The following MAMLD1 variants were observed in gnomAD, a reference collection of about 807,000 sequenced individuals.
The protein encoded by MAMLD1 is mastermind like domain containing 1.
MAMLD1 carries 14 observed loss-of-function variants against 45.0 expected under a neutral mutation model. That is an observed-to-expected ratio of 0.31 (90% CI 0.21 to 0.49). MAMLD1 has a LOEUF of 0.49. MAMLD1 is among the 20% of genes least tolerant of loss of function. The probability of loss-of-function intolerance (pLI) is 0.99; values close to 1 mark genes in which losing one functional copy is unlikely to be tolerated. For missense variants in MAMLD1, 543 were observed against 603.6 expected, an observed-to-expected ratio of 0.90 and a Z score of 1.05; for synonymous variants, 254 against 247.8, an observed-to-expected ratio of 1.02 and a Z score of -0.24.
intron 2 of MAMLD1, among the ~76,000 whole-genome samples, chrX:150,453,862 C>A (rs1472988089): frequency 8.9e-6 from 1 of 112,292 alleles, no homozygotes; most frequent in Non-Finnish European, 1.9e-5. Context: ...CTGGCCTGCT[C>A]AGAGCCACCT....
At chrX:150,453,226 C>T (rs782411121) in intron 2 of MAMLD1, among the ~76,000 whole-genome samples, 1 of 111,999 alleles carries the variant, frequency 8.9e-6, no homozygotes, top group African/African-American at 3.3e-5. Context: ...ATCCAGCCCA[C>T]GGGCTGTTTT....
At chrX:150,439,132 T>G (rs2035214222) in intron 1 of MAMLD1, among the ~76,000 whole-genome samples, 1 of 112,461 alleles carries the variant, frequency 8.9e-6, no homozygotes, top group East Asian at 2.8e-4. Context: ...TGTTGGCCAT[T>G]TATATATCTT....
intron 1 of MAMLD1, among the ~76,000 whole-genome samples, chrX:150,415,403 TC>T (rs1344332699): frequency 8.9e-6 from 1 of 112,871 alleles, no homozygotes. Flanking sequence ...TAAGGTTACA[TC>T]GTTAACAGGA....
At chrX:150,404,136 A>T (rs1264564518) in intron 1 of MAMLD1, among the ~76,000 whole-genome samples, 1 of 110,309 alleles carries the variant, frequency 9.1e-6, no homozygotes, top group Non-Finnish European at 1.9e-5. Context: ...CAGGCAGCCC[A>T]CATGGCAAAA....
intron 1 of MAMLD1, among the ~76,000 whole-genome samples, chrX:150,411,596 C>A: frequency 8.9e-6 from 1 of 112,082 alleles, no homozygotes; most frequent in Non-Finnish European, 1.9e-5. Context: ...CTAGCTGAGG[C>A]CGCTTTAATG....
At chrX:150,493,834 T>C (rs2037267780) in intron 5 of MAMLD1, among the ~76,000 whole-genome samples, 1 of 112,403 alleles carries the variant, frequency 8.9e-6, no homozygotes, top group South Asian at 3.7e-4. Flanking sequence ...GTGCTCTTTG[T>C]AGTAAACTTG....
At chrX:150,415,428 T>C (rs2034225261) in intron 1 of MAMLD1, among the ~76,000 whole-genome samples, 1 of 112,828 alleles carries the variant, frequency 8.9e-6, no homozygotes, top group African/African-American at 3.2e-5. Context: ...TACTGTACCT[T>C]AACTTTGAAT....
At chrX:150,400,674 T>G (rs1216274575) in intron 1 of MAMLD1, among the ~76,000 whole-genome samples, 1 of 111,552 alleles carries the variant, frequency 9.0e-6, no homozygotes, top group Non-Finnish European at 1.9e-5. Context: ...TGAAGCGTTG[T>G]TGAATTTTGT....
chrX:150,373,274 G>C (rs190698326), intron 1 of MAMLD1, among the ~76,000 whole-genome samples: 5 of 111,599 alleles, frequency 4.5e-5, no homozygotes, highest in Admixed American at 1.9e-4. Context: ...CCCAGAGTGG[G>C]AGGCCCGTTC....
At chrX:150,392,770 T>A (rs2033241236) in intron 1 of MAMLD1, among the ~76,000 whole-genome samples, 1 of 98,297 alleles carries the variant, frequency 1.0e-5, no homozygotes, top group South Asian at 4.7e-4. Flanking sequence ...CCTGGAGGAG[T>A]TTTTTAATTA....
In MAMLD1 at chrX:150,470,772, G is replaced by A. The variant is rs1161206329; in HGVS notation, c.1199G>A (p.Gly400Glu). The A allele has an allele frequency of 1.7e-6, 2 of 1,211,743 alleles. No homozygotes were observed. Among genetic ancestry groups the A allele is most frequent in the East Asian group, 5.9e-5 (2 of 33,847 alleles). The change falls in exon 4 of 8, where the codon GGG becomes GAG. Residue 400 changes from glycine to glutamate, a missense_variant. Physicochemically the swap from Gly to Glu is moderately conservative, Grantham distance 98. Transcript: ENST00000370401. ...SMTSSSNAAL[G>E]PAMPYAPEKL... The stretch of plus-strand genomic sequence containing the variant: ...ACGTCCAGCAGCAATGCTGCCCTGG[G>A]GCCCGCCATGCCCTATGCTCCTGAG...
chrX:150,437,639 AT>A (rs1353191901), intron 1 of MAMLD1, among the ~76,000 whole-genome samples: 1 of 112,120 alleles, frequency 8.9e-6, no homozygotes, highest in African/African-American at 3.2e-5. Context: ...GATTTTAATT[AT>A]TTTTTTGAGA....
At chrX:150,401,164 A>G (rs1443623314) in intron 1 of MAMLD1, among the ~76,000 whole-genome samples, 2 of 111,278 alleles carry the variant, frequency 1.8e-5, no homozygotes, top group Non-Finnish European at 3.8e-5. Context: ...CAGAGATTCA[A>G]CTTCTTCCTG....
intron 1 of MAMLD1, among the ~76,000 whole-genome samples, chrX:150,414,046 AAAG>A (rs2034192700): frequency 9.5e-6 from 1 of 105,795 alleles, no homozygotes; most frequent in Non-Finnish European, 1.9e-5. Flanking sequence ...AAAAAAAAAA[AAAG>A]AGCCATAAAC....
In MAMLD1 at chrX:150,383,065, C is replaced by T. The variant is rs1323116194; in HGVS notation, c.-64+19535C>T. ...GACTACAGGCGCCCGCCACCACGCC[C>T]GGCTAATTTCTTGTATTTTTAGTAG... On this transcript the variant is annotated intron_variant, in intron 1 of 7. Transcript: ENST00000370401. 3.4e-5 allele frequency among the ~76,000 whole-genome samples: 2 copies of T among 58,773 alleles called. 1 individual carries two copies. The highest frequency in any genetic ancestry group is 1.1e-3 in the South Asian group (2 of 1,768). 51.0% of individuals were successfully genotyped at this position (58,773 alleles called of 115,157 possible).
chrX:150,507,752 G>A (rs1271818085), intron 6 of MAMLD1, among the ~76,000 whole-genome samples: 1 of 112,250 alleles, frequency 8.9e-6, no homozygotes, highest in Non-Finnish European at 1.9e-5. Flanking sequence ...GCCCTGCCCC[G>A]GCGTGGCCTT....
chrX:150,409,032 C>T (rs1372691766), intron 1 of MAMLD1, among the ~76,000 whole-genome samples: 1 of 111,549 alleles, frequency 9.0e-6, no homozygotes, highest in African/African-American at 3.3e-5. Context: ...GACTAGACAA[C>T]CTCTTCTGCG....
intron 5 of MAMLD1, among the ~76,000 whole-genome samples, chrX:150,497,937 G>T (rs899618065): frequency 9.0e-6 from 1 of 110,842 alleles, no homozygotes; most frequent in South Asian, 3.9e-4. Context: ...TAACCTTTTT[G>T]TGCCTCAGTT....
intron 5 of MAMLD1, among the ~76,000 whole-genome samples, 176 bp downstream of exon 5, chrX:150,473,978 G>A (rs973217680): frequency 9.8e-5 from 11 of 111,747 alleles, no homozygotes; most frequent in African/African-American, 2.6e-4. Flanking sequence ...GAGAAAGACC[G>A]AACAGTCAAG....
Sources: gnomAD v4.1 joint callset for allele counts (sites outside exome capture counted in the v4.1 genomes callset) on GRCh38, gnomAD v4.1.1 for gene constraint, MANE v1.5 for transcripts, NCBI Gene and HGNC (gene_info 2026-07-23, HGNC 2026-07-21) for gene names.